The following GRM7 variants were observed in gnomAD, a reference collection of about 807,000 sequenced individuals.
GRM7 encodes the protein glutamate metabotropic receptor 7.
A neutral mutation model predicts 84.5 loss-of-function variants in GRM7; 35 were observed. The ratio of observed to expected loss-of-function variants is 0.41; its 90% CI spans 0.32 to 0.55. GRM7 has a LOEUF of 0.55. Ranked by LOEUF, GRM7 falls within the 20% of genes least tolerant of loss-of-function variation. The probability of loss-of-function intolerance (pLI) is 0.19; values close to 1 mark genes in which losing one functional copy is unlikely to be tolerated. For synonymous variants in GRM7, 487 were observed against 455.1 expected (o/e 1.07, Z -0.89); for missense variants, 1,003 against 1,194.6 (o/e 0.84, Z 2.36).
intron 7 of GRM7, among the ~76,000 whole-genome samples, chr3:7,471,618 G>C (rs1480406030): frequency 6.6e-6 from 1 of 152,040 alleles, no homozygotes; most frequent in African/African-American, 2.4e-5. Context: ...ACTTTGAAAG[G>C]CCCATATGAT....
intron 1 of GRM7, among the ~76,000 whole-genome samples, chr3:7,083,282 A>G (rs886484484): frequency 1.3e-5 from 2 of 152,188 alleles, no homozygotes; most frequent in Admixed American, 1.3e-4. Context: ...CAAAAAGATT[A>G]CAGCTTGCTG....
At chr3:7,362,239 T>C (rs1340072191) in intron 4 of GRM7, among the ~76,000 whole-genome samples, 2 of 152,012 alleles carry the variant, frequency 1.3e-5, no homozygotes, top group Non-Finnish European at 2.9e-5. Context: ...AGCTACATCA[T>C]CAGCACTCCA....
chr3:7,078,321 A>G (rs976734977), intron 1 of GRM7, among the ~76,000 whole-genome samples: 2 of 152,210 alleles, frequency 1.3e-5, no homozygotes, highest in Admixed American at 6.5e-5. Flanking sequence ...CCTAAGGCCT[A>G]TTGATTCAAG....
At chr3:7,100,836 A>G (rs1047281038) in intron 1 of GRM7, among the ~76,000 whole-genome samples, 3 of 151,822 alleles carry the variant, frequency 2.0e-5, no homozygotes, top group African/African-American at 7.2e-5. Context: ...ACACTGTGAT[A>G]GATTTGGTTT....
At chr3:7,015,672 A>G (rs1575132422) in intron 1 of GRM7, among the ~76,000 whole-genome samples, 1 of 152,218 alleles carries the variant, frequency 6.6e-6, no homozygotes, top group Non-Finnish European at 1.5e-5. Context: ...GAGTAGAGCC[A>G]GAGAATACAT....
chr3:7,057,515 C>T (rs560052116), intron 1 of GRM7, among the ~76,000 whole-genome samples: 15 of 151,952 alleles, frequency 9.9e-5, no homozygotes, highest in African/African-American at 2.4e-4. Context: ...GATAAAAACA[C>T]GCAACAGCTG....
intron 1 of GRM7, among the ~76,000 whole-genome samples, chr3:7,113,183 G>A (rs542605392): frequency 1.3e-5 from 2 of 151,822 alleles, no homozygotes; most frequent in Non-Finnish European, 1.5e-5. Flanking sequence ...TTCAAAATAC[G>A]TGAAAAAAAT....
At chr3:7,129,799 A>C (rs1185919764) in intron 1 of GRM7, among the ~76,000 whole-genome samples, 1 of 152,208 alleles carries the variant, frequency 6.6e-6, no homozygotes, top group Non-Finnish European at 1.5e-5. Context: ...CTGTCAACTT[A>C]CTATGTGAGA....
chr3:7,426,742 C>T (rs1575319576), intron 5 of GRM7, among the ~76,000 whole-genome samples: 1 of 152,140 alleles, frequency 6.6e-6, no homozygotes, highest in Non-Finnish European at 1.5e-5. Flanking sequence ...ATCTGTGGAT[C>T]CCCATCTTCA....
intron 2 of GRM7, among the ~76,000 whole-genome samples, chr3:7,219,717 T>C (rs926107439): frequency 6.6e-6 from 1 of 152,322 alleles, no homozygotes; most frequent in African/African-American, 2.4e-5. Context: ...CTAGCAGGCC[T>C]AAAGCAGGTA....
intron 1 of GRM7, among the ~76,000 whole-genome samples, chr3:6,871,558 G>A (rs573805506): frequency 1.3e-5 from 2 of 151,300 alleles, no homozygotes; most frequent in Non-Finnish European, 2.9e-5. Context: ...TTATCTCGTA[G>A]GTTGTCATCT....
intron 1 of GRM7, among the ~76,000 whole-genome samples, chr3:7,025,710 A>T (rs772998302): frequency 6.6e-6 from 1 of 152,094 alleles, no homozygotes; most frequent in Non-Finnish European, 1.5e-5. Flanking sequence ...TGCTTTACCT[A>T]CATCTTACTC....
At chr3:7,053,498 TTA>T (rs577648683) in intron 1 of GRM7, among the ~76,000 whole-genome samples, 27 of 151,880 alleles carry the variant, frequency 1.8e-4, no homozygotes, top group African/African-American at 5.5e-4. Context: ...TCTAGAAATT[TTA>T]TAGTCTTAAA....
chr3:7,425,434 A>C (rs761696077), intron 5 of GRM7, among the ~76,000 whole-genome samples: 21 of 152,166 alleles, frequency 1.4e-4, no homozygotes, highest in Non-Finnish European at 2.9e-4. Context: ...ATTCTCTCTG[A>C]ATATATCTCA....
At chr3:7,246,274 C>T (rs189163145) in intron 2 of GRM7, among the ~76,000 whole-genome samples, 1 of 152,198 alleles carries the variant, frequency 6.6e-6, no homozygotes, top group Admixed American at 6.6e-5. Context: ...TCCAGATTAG[C>T]CTATTGCATC....
intron 7 of GRM7, among the ~76,000 whole-genome samples, chr3:7,481,246 T>C (rs1440787234): frequency 6.6e-6 from 1 of 152,100 alleles, no homozygotes; most frequent in African/African-American, 2.4e-5. Flanking sequence ...GCTTGATTTT[T>C]TTAAATTTTT....
intron 7 of GRM7, among the ~76,000 whole-genome samples, chr3:7,527,509 C>T (rs1413070204): frequency 6.6e-6 from 1 of 151,816 alleles, no homozygotes; most frequent in African/African-American, 2.4e-5. Flanking sequence ...TGTTTGGATG[C>T]CTTTTATTTC....
At position 7,458,035 on chromosome 3, in the gene GRM7, G is replaced by A. The variant is rs186610641; in HGVS notation, c.1376-3548G>A. 1.2e-3 allele frequency among the ~76,000 whole-genome samples: 186 copies of A among 152,298 alleles called. 2 individuals are homozygous for A. Among genetic ancestry groups the A allele is most frequent in the African/African-American group, 4.3e-3 (177 of 41,558 alleles). On this transcript the variant is annotated intron_variant, in intron 6 of 9. Coordinates refer to ENST00000357716, the MANE Select transcript of GRM7 (RefSeq NM_000844.4). ...TATCAGGAACCCGAACAAATGCAAC[G>A]TTCCTGGAATCTGTGCATGGCGTGG...
intron 2 of GRM7, among the ~76,000 whole-genome samples, chr3:7,278,001 T>C (rs941963363): frequency 6.6e-6 from 1 of 152,112 alleles, no homozygotes; most frequent in Non-Finnish European, 1.5e-5. Context: ...TGAATTGATA[T>C]GCTCTCTTTT....
Sources: gnomAD v4.1 joint callset for allele counts (sites outside exome capture counted in the v4.1 genomes callset) on GRCh38, gnomAD v4.1.1 for gene constraint, MANE v1.5 for transcripts, NCBI Gene and HGNC (gene_info 2026-07-23, HGNC 2026-07-21) for gene names.